The following PPM1H variants were observed in gnomAD, a reference collection of about 807,000 sequenced individuals.
The protein encoded by PPM1H is protein phosphatase 1H.
In PPM1H, 27 loss-of-function variants were observed where a neutral mutation model predicts 54.9. The ratio of observed to expected loss-of-function variants is 0.49; its 90% confidence interval spans 0.36 to 0.68. PPM1H has a LOEUF of 0.68. Among genes scored for constraint, PPM1H ranks in the 30% least tolerant of loss-of-function variants. The probability of loss-of-function intolerance (pLI) is 0.00; values close to 1 mark genes in which losing one functional copy is unlikely to be tolerated. For missense variants in PPM1H, 596 were observed against 667.8 expected (o/e 0.89, Z 1.19); for synonymous variants, 305 against 270.8 (o/e 1.13, Z -1.24).
chr12:62,905,532 G>T (rs1871279162), intron 1 of PPM1H, among the ~76,000 whole-genome samples: 1 of 152,176 alleles, frequency 6.6e-6, no homozygotes. Flanking sequence ...ACAAAAGAAA[G>T]GAAGAGAGTA....
At chr12:62,762,024 G>A (rs1024389647) in intron 4 of PPM1H, among the ~76,000 whole-genome samples, 1 of 152,196 alleles carries the variant, frequency 6.6e-6, no homozygotes, top group Non-Finnish European at 1.5e-5. Context: ...TCAGTGCTCC[G>A]TCTGCAGCTC....
At chr12:62,907,635 G>C (rs1871339346) in intron 1 of PPM1H, among the ~76,000 whole-genome samples, 1 of 152,186 alleles carries the variant, frequency 6.6e-6, no homozygotes, top group Non-Finnish European at 1.5e-5. Flanking sequence ...GTAAGTACTT[G>C]TTACACAGAA....
intron 4 of PPM1H, among the ~76,000 whole-genome samples, chr12:62,760,303 T>C (rs920169482): frequency 6.6e-6 from 1 of 152,128 alleles, no homozygotes; most frequent in African/African-American, 2.4e-5. Context: ...GTCCCAAATC[T>C]TTCTTCTTTC....
intron 1 of PPM1H, among the ~76,000 whole-genome samples, chr12:62,927,943 T>C (rs868079857): frequency 6.6e-6 from 1 of 152,186 alleles, no homozygotes; most frequent in Non-Finnish European, 1.5e-5. Flanking sequence ...TGGTTAAAAA[T>C]GTTTTAAGTA....
In PPM1H at chr12:62,843,450, G is replaced by C. The variant is rs1185368595; in HGVS notation, c.246-11171C>G. 2.6e-5 allele frequency among the ~76,000 whole-genome samples: 4 copies of C among 152,324 alleles called. No homozygotes were observed. In the East Asian group the frequency reaches 5.8e-4, roughly 22 times the overall value. The stretch of plus-strand genomic sequence containing the variant: ...TTGGCCAAATCAATGTCATATGCAT[G>C]ATGACTTATTTAGGTAAATGTCCTA... On this transcript the variant is annotated intron_variant, in intron 1 of 9. Transcript: ENST00000228705.
intron 3 of PPM1H, among the ~76,000 whole-genome samples, chr12:62,790,164 C>G (rs1318793680): frequency 6.6e-6 from 1 of 152,196 alleles, no homozygotes; most frequent in Non-Finnish European, 1.5e-5. Flanking sequence ...GTCAAGACCC[C>G]AGCATTTACC....
intron 2 of PPM1H, among the ~76,000 whole-genome samples, chr12:62,828,625 G>T (rs958776110): frequency 6.6e-6 from 1 of 152,146 alleles, no homozygotes; most frequent in Non-Finnish European, 1.5e-5. Context: ...TCTAAGTAGG[G>T]ATTTTGTCTA....
chr12:62,790,257 G>C (rs1225347692), intron 3 of PPM1H, among the ~76,000 whole-genome samples: 1 of 152,194 alleles, frequency 6.6e-6, no homozygotes, highest in Non-Finnish European at 1.5e-5. Flanking sequence ...AGAAGAGCTT[G>C]AGCTTAGGGA....
Position 62,934,496 on chromosome 12 carries a change from C to A in PPM1H, c.241G>T (p.Ala81Ser). ...TRRLPWATGY[A>S]EVINAGKSTH... ...CGCCGGTGTCGCTGCACTCACTCTGCGTAGCCAGTGGCCCAGGGCAGCCGC... is the reference window on the plus strand; with the variant it reads ...CGCCGGTGTCGCTGCACTCACTCTGAGTAGCCAGTGGCCCAGGGCAGCCGC... The change falls in exon 1 of 10, where the codon GCA (alanine) becomes TCA (serine). Residue 81 changes from alanine to serine, a missense_variant. Transcript: ENST00000228705. This position sits in a 1 kb window ranked among gnomAD's most constrained non-coding sequence, Gnocchi z 4.2. The A allele has an allele frequency of 6.5e-7, 1 of 1,544,082 alleles. No homozygotes were observed. The highest frequency in any genetic ancestry group is 8.7e-7 in the Non-Finnish European group (1 of 1,145,622).
intron 6 of PPM1H, among the ~76,000 whole-genome samples, chr12:62,706,477 C>T (rs1052566244): frequency 2.0e-5 from 3 of 152,358 alleles, no homozygotes; most frequent in South Asian, 2.1e-4. Context: ...TGTCACCTCA[C>T]GCCCAGCAGT....
At chr12:62,771,045 GACACACACACACACACACAC>G (rs71086630) in intron 4 of PPM1H, among the ~76,000 whole-genome samples, 6 of 129,420 alleles carry the variant, frequency 4.6e-5, no homozygotes, top group African/African-American at 9.0e-5. Context: ...AAAAGAAAAA[GACACACACACACACACACAC>G]ACACACACAC....
chr12:62,678,689 T>C (rs995568026), intron 8 of PPM1H, among the ~76,000 whole-genome samples: 2 of 146,088 alleles, frequency 1.4e-5, no homozygotes, highest in Non-Finnish European at 3.0e-5. Flanking sequence ...AGCTTCTGCA[T>C]ACTTTTTTTT....
At chr12:62,927,444 G>A (rs1165071021) in intron 1 of PPM1H, among the ~76,000 whole-genome samples, 2 of 152,142 alleles carry the variant, frequency 1.3e-5, no homozygotes, top group African/African-American at 2.4e-5. Context: ...TGGATCACCT[G>A]AGGTCAGGAG....
At chr12:62,784,327 C>T (rs2076658886) in intron 4 of PPM1H, among the ~76,000 whole-genome samples, 1 of 152,094 alleles carries the variant, frequency 6.6e-6, no homozygotes, top group Non-Finnish European at 1.5e-5. Context: ...AAGCCACAAA[C>T]AGCATCAGGC....
chr12:62,848,922 T>C (rs1433143184), intron 1 of PPM1H, among the ~76,000 whole-genome samples: 1 of 151,524 alleles, frequency 6.6e-6, no homozygotes, highest in African/African-American at 2.4e-5. Flanking sequence ...CAAGGGGGAC[T>C]GGGGACTAGG....
chr12:62,711,452 G>A (rs2076206456), intron 6 of PPM1H, among the ~76,000 whole-genome samples: 1 of 152,180 alleles, frequency 6.6e-6, no homozygotes, highest in Admixed American at 6.5e-5. Flanking sequence ...TACAATACAA[G>A]CCTGTCAAAT....
At chr12:62,892,428 G>A (rs1410288951) in intron 1 of PPM1H, among the ~76,000 whole-genome samples, 1 of 152,132 alleles carries the variant, frequency 6.6e-6, no homozygotes, top group Non-Finnish European at 1.5e-5. Context: ...CACAGCTTCA[G>A]CTACTTGTCT....
intron 1 of PPM1H, among the ~76,000 whole-genome samples, chr12:62,931,786 T>A (rs1048627018): frequency 6.6e-6 from 1 of 152,154 alleles, no homozygotes; most frequent in Non-Finnish European, 1.5e-5. Flanking sequence ...TCAGATGATA[T>A]AAAACAGTAT....
At chr12:62,706,746 T>G (rs904995787) in intron 6 of PPM1H, among the ~76,000 whole-genome samples, 1 of 152,178 alleles carries the variant, frequency 6.6e-6, no homozygotes, top group African/African-American at 2.4e-5. Flanking sequence ...TGTGAAGAGC[T>G]AGGAATCTGC....
Sources: allele counts gnomAD v4.1 joint callset (sites outside exome capture counted in the v4.1 genomes callset), GRCh38; gene constraint gnomAD v4.1.1; non-coding constraint Gnocchi (gnomAD v3.1); transcripts MANE v1.5; gene names NCBI Gene and HGNC (gene_info 2026-07-23, HGNC 2026-07-21).